The following PRPSAP2 variants were observed in gnomAD, a reference collection of about 807,000 sequenced individuals.
The protein encoded by PRPSAP2 is phosphoribosyl pyrophosphate synthetase associated protein 2.
A neutral mutation model predicts 40.6 loss-of-function variants in PRPSAP2; 24 were observed. The ratio of observed to expected loss-of-function variants is 0.59; its 90% CI spans 0.43 to 0.83. The LOEUF (loss-of-function observed/expected upper bound fraction) is 0.83. Ranked by LOEUF, PRPSAP2 falls within the 40% of genes least tolerant of loss-of-function variation. PRPSAP2 has a pLI of 0.00. For synonymous variants in PRPSAP2, 149 were observed against 164.7 expected (o/e 0.90, Z 0.73); for missense variants, 292 against 465.6 (o/e 0.63, Z 3.43).
rs540936121 is a variant in PRPSAP2, at chr17:18,899,045, C to T, written c.584+9168C>T. Among the ~76,000 whole-genome samples, 9 of 152,244 alleles carry T rather than the reference C, an allele frequency of 5.9e-5. 1 individual carries two copies. The South Asian group carries it at 1.7e-3, about 28-fold the overall frequency. On this transcript the variant is annotated intron_variant, in intron 8 of 11. Transcript: ENST00000268835. ...TCAGCCTCCCAAGTAGCTGGGATTA[C>T]AGGCATGCACCACCACGCCCAGCTA...
chr17:18,908,238 C>T (rs1279719284), intron 8 of PRPSAP2: 1 of 734,738 alleles, frequency 1.4e-6, no homozygotes, highest in Non-Finnish European at 2.5e-6. Context: ...GCCTTGAAGC[C>T]AGTGACGACC....
intron 5 of PRPSAP2, among the ~76,000 whole-genome samples, chr17:18,873,831 A>C (rs1205829175): frequency 6.6e-6 from 1 of 152,112 alleles, no homozygotes; most frequent in African/African-American, 2.4e-5. Context: ...TAGGTATAGA[A>C]GATTCAATGC....
At position 18,877,049 on chromosome 17, in the gene PRPSAP2, C is replaced by T. The variant is rs72834995; in HGVS notation, c.240-649C>T. Among the ~76,000 whole-genome samples the T allele has an allele frequency of 7.6e-3, 1,162 of 152,106 alleles. 7 individuals are homozygous for T. The highest frequency in any genetic ancestry group is 0.012 in the Non-Finnish European group (786 of 68,010). On this transcript the variant is annotated intron_variant, in intron 5 of 11. Transcript: ENST00000268835. Reference sequence around the variant, plus strand: ...GAGGACACATGAGCAAGTCCTGGGACGTGAGGCTGGGGAGAAGAGGAACCA... The same window carrying T: ...GAGGACACATGAGCAAGTCCTGGGATGTGAGGCTGGGGAGAAGAGGAACCA...
At chr17:18,860,242 G>A (rs2036903825) in intron 1 of PRPSAP2, among the ~76,000 whole-genome samples, 1 of 151,922 alleles carries the variant, frequency 6.6e-6, no homozygotes, top group Non-Finnish European at 1.5e-5. Context: ...GTATTTTTTA[G>A]TAGGGGTTTC....
chr17:18,926,929 T>A (rs2042011753), intron 10 of PRPSAP2, among the ~76,000 whole-genome samples: 1 of 152,098 alleles, frequency 6.6e-6, no homozygotes, highest in South Asian at 2.1e-4. Context: ...CTGACATCCT[T>A]CCCACCCAAT....
At chr17:18,923,253 C>G (rs910259316) in intron 9 of PRPSAP2, among the ~76,000 whole-genome samples, 2 of 136,418 alleles carry the variant, frequency 1.5e-5, no homozygotes, top group South Asian at 2.3e-4. Flanking sequence ...GCACACTTGG[C>G]TAATTTTTTT....
At chr17:18,862,940 C>A (rs1426514833) in intron 1 of PRPSAP2, among the ~76,000 whole-genome samples, 5 of 151,738 alleles carry the variant, frequency 3.3e-5, no homozygotes. Context: ...CCTGCCTCAG[C>A]CTCCCGAGTA....
rs1324540201 is a variant in PRPSAP2 at position 18,927,965 on chromosome 17, G to A, written c.805-846G>A. On this transcript the variant is annotated intron_variant, in intron 10 of 11. Transcript: ENST00000268835. ...GGCTAATTTTTGCTTTTCTGTTTTT[G>A]TAGAGACTGGGTTTCGTCATGTTGC... 2.0e-5 allele frequency among the ~76,000 whole-genome samples: 3 copies of A among 151,944 alleles called. No individual in the cohort carries two copies. The East Asian group carries it at 5.8e-4, about 29-fold the overall frequency.
rs559530061 is a variant in PRPSAP2 at position 18,892,398 on chromosome 17, A to G, written c.584+2521A>G. On this transcript the variant is annotated intron_variant, in intron 8 of 11. Coordinates refer to ENST00000268835, the MANE Select transcript of PRPSAP2 (RefSeq NM_002767.4). The stretch of plus-strand genomic sequence containing the variant: ...GGCAGTTTCGTTTATGTTTTGAGGA[A>G]CTATCAGTCTCTTTTCCACTGCAGC... Among the ~76,000 whole-genome samples the G allele has an allele frequency of 7.2e-5, 11 of 152,098 alleles. No individual in the cohort carries two copies. In the East Asian group the frequency reaches 1.9e-3, roughly 27 times the overall value.
intron 4 of PRPSAP2, among the ~76,000 whole-genome samples, chr17:18,871,289 G>A (rs1465805818): frequency 6.6e-6 from 1 of 152,066 alleles, no homozygotes; most frequent in Admixed American, 6.6e-5. Flanking sequence ...CAAAGTTCTG[G>A]TATTACATGT....
In PRPSAP2 at chr17:18,903,197, A is replaced by G. The variant is rs1207239250; in HGVS notation, c.585-7906A>G. On this transcript the variant is annotated intron_variant, in intron 8 of 11. Transcript: ENST00000268835. ...AATCCCAGCACTTTGGGAGGCCGAG[A>G]TGGGTGGATCTCCTGAGGTCAGGAG... Among the ~76,000 whole-genome samples, 690 of 138,760 alleles carry G rather than the reference A, an allele frequency of 5.0e-3. 17 individuals are homozygous for G. Among genetic ancestry groups the G allele is most frequent in the African/African-American group, 0.019 (661 of 35,494 alleles). The allele number at this position is 138,760 out of a possible 152,430, so 91.0% of individuals were successfully genotyped here.
intron 10 of PRPSAP2, among the ~76,000 whole-genome samples, chr17:18,924,923 C>G (rs1039143854): frequency 6.6e-6 from 1 of 152,084 alleles, no homozygotes; most frequent in African/African-American, 2.4e-5. Context: ...AGTTGAAGAC[C>G]AGCCTGGCCA....
intron 11 of PRPSAP2, among the ~76,000 whole-genome samples, chr17:18,930,126 A>C (rs1372129931): frequency 6.6e-6 from 1 of 152,172 alleles, no homozygotes; most frequent in African/African-American, 2.4e-5. Context: ...TAATCCCAGC[A>C]CTTTGGGAGG....
rs1212578494 is a variant in PRPSAP2 at position 18,917,615 on chromosome 17, T to A, written c.734-6299T>A. ...TTTTTTTTTTTTTTTTTTTTTTTTT[T>A]TTTTAGTAGAGACAGGGTTTCGCCA... On this transcript the variant is annotated intron_variant, in intron 9 of 11. Transcript: ENST00000268835. 4.2e-3 allele frequency: 456 copies of A among 108,372 alleles called. 13 individuals are homozygous for A. Among genetic ancestry groups the A allele is most frequent in the African/African-American group, 0.016 (430 of 27,262 alleles). 6.7% of individuals were successfully genotyped at this position (108,372 alleles called of 1,614,324 possible). A position where few individuals can be genotyped will look rare whatever the true frequency, so the allele number is the denominator to read the frequency against.
At chr17:18,870,263 G>C (rs953015952) in intron 4 of PRPSAP2, among the ~76,000 whole-genome samples, 1 of 152,106 alleles carries the variant, frequency 6.6e-6, no homozygotes, top group Admixed American at 6.6e-5. Flanking sequence ...GCCGGGTGCG[G>C]TGGCTCACTC....
intron 5 of PRPSAP2, among the ~76,000 whole-genome samples, chr17:18,877,180 C>T (rs138933004): frequency 8.3e-4 from 127 of 152,240 alleles, no homozygotes; most frequent in African/African-American, 2.9e-3. Context: ...TTTATGAAAA[C>T]AAAGCTTCAC....
At chr17:18,926,720 G>A (rs11652294) in intron 10 of PRPSAP2, among the ~76,000 whole-genome samples, 135,877 of 152,180 alleles carry the variant, frequency 0.89, 61,191 homozygotes, top group Non-Finnish European at 0.94. Flanking sequence ...GAAAATTCTC[G>A]GTGCCACAGC....
At chr17:18,860,632 A>G (rs1476726186) in intron 1 of PRPSAP2, 1 of 152,248 alleles carries the variant, frequency 6.6e-6, no homozygotes, top group Admixed American at 6.5e-5. Context: ...CACATGGCCT[A>G]GTAGCTGGAA....
chr17:18,906,007 A>G (rs971608896), intron 8 of PRPSAP2, among the ~76,000 whole-genome samples: 6 of 152,212 alleles, frequency 3.9e-5, no homozygotes, highest in Admixed American at 6.5e-5. Flanking sequence ...TTCTGTGTTT[A>G]TGATGCTCCC....
Sources: allele counts gnomAD v4.1 joint callset (sites outside exome capture counted in the v4.1 genomes callset), GRCh38; gene constraint gnomAD v4.1.1; transcripts MANE v1.5; gene names NCBI Gene and HGNC (gene_info 2026-07-23, HGNC 2026-07-21).